ZSWIM5: variants seen among roughly 807,000 people sequenced by gnomAD.
ZSWIM5 encodes zinc finger SWIM domain-containing protein 5.
Under a neutral mutation model 119.6 loss-of-function variants are expected in ZSWIM5, and 55 were observed. That is an observed-to-expected ratio of 0.46 (90% CI 0.37 to 0.58). The LOEUF is 0.58. Ranked by LOEUF, ZSWIM5 falls within the 20% of genes least tolerant of loss-of-function variation. ZSWIM5 has a pLI of 0.00. For synonymous variants in ZSWIM5, 537 were observed against 606.9 expected (o/e 0.88, Z 1.69); for missense variants, 1,193 against 1,512.8 (o/e 0.79, Z 3.51).
chr1:45,077,923 T>C (rs943295946), intron 2 of ZSWIM5, among the ~76,000 whole-genome samples: 6 of 152,244 alleles, frequency 3.9e-5, no homozygotes, highest in Non-Finnish European at 8.8e-5. Context: ...ATCTCTCTTA[T>C]TCCCTGAACA....
At chr1:45,098,493 A>G (rs188182841) in intron 1 of ZSWIM5, among the ~76,000 whole-genome samples, 2 of 152,330 alleles carry the variant, frequency 1.3e-5, no homozygotes, top group East Asian at 3.9e-4. Context: ...CCAATGGGGA[A>G]ATAATATCAT....
intron 1 of ZSWIM5, among the ~76,000 whole-genome samples, chr1:45,184,797 T>C (rs1410315197): frequency 6.6e-6 from 1 of 151,928 alleles, no homozygotes; most frequent in Non-Finnish European, 1.5e-5. Flanking sequence ...GTAGGAAGAA[T>C]CAATATCATG....
At chr1:45,195,151 T>G (rs373831588) in intron 1 of ZSWIM5, among the ~76,000 whole-genome samples, 1 of 152,230 alleles carries the variant, frequency 6.6e-6, no homozygotes, top group Non-Finnish European at 1.5e-5. Context: ...CATTTTTATA[T>G]GTACATTCCA....
At chr1:45,127,933 A>G (rs1271593428) in intron 1 of ZSWIM5, among the ~76,000 whole-genome samples, 2 of 152,246 alleles carry the variant, frequency 1.3e-5, no homozygotes, top group African/African-American at 4.8e-5. Context: ...CAAAACATAT[A>G]CAGAACTTTT....
chr1:45,160,273 G>A (rs1449866040), intron 1 of ZSWIM5, among the ~76,000 whole-genome samples: 1 of 152,132 alleles, frequency 6.6e-6, no homozygotes, highest in African/African-American at 2.4e-5. Flanking sequence ...TCATCATCCT[G>A]AGTATTTATC....
intron 5 of ZSWIM5, among the ~76,000 whole-genome samples, chr1:45,048,080 CTCTTTTTT>C (rs1451508435): frequency 7.0e-4 from 3 of 4,262 alleles, no homozygotes; most frequent in African/African-American, 2.2e-3. Flanking sequence ...CTTTTCTTTT[CTCTTTTTT>C]TTTTTTTTTT....
intron 2 of ZSWIM5, among the ~76,000 whole-genome samples, chr1:45,078,695 C>G (rs1301375662): frequency 6.6e-6 from 1 of 152,174 alleles, no homozygotes; most frequent in Non-Finnish European, 1.5e-5. Context: ...TGTGTTCACT[C>G]AAGGCCCTGA....
intron 2 of ZSWIM5, among the ~76,000 whole-genome samples, chr1:45,071,591 G>A (rs958781571): frequency 6.6e-6 from 1 of 150,956 alleles, no homozygotes; most frequent in Non-Finnish European, 1.5e-5. Context: ...CAGTAGTTGA[G>A]ACTACAGGTG....
At chr1:45,138,804 CTAACAT>C (rs561115587) in intron 1 of ZSWIM5, among the ~76,000 whole-genome samples, 1 of 152,098 alleles carries the variant, frequency 6.6e-6, no homozygotes, top group Non-Finnish European at 1.5e-5. Flanking sequence ...CCTATCCTCA[CTAACAT>C]TAACTCACGT....
intron 1 of ZSWIM5, among the ~76,000 whole-genome samples, chr1:45,178,221 T>C (rs1234595144): frequency 6.6e-6 from 1 of 151,884 alleles, no homozygotes; most frequent in African/African-American, 2.4e-5. Context: ...AGGTCAGCAG[T>C]TGGAGACCAG....
intron 1 of ZSWIM5, among the ~76,000 whole-genome samples, chr1:45,166,870 A>C (rs1387313200): frequency 1.3e-5 from 2 of 152,058 alleles, no homozygotes; most frequent in Non-Finnish European, 1.5e-5. Context: ...TAGGAAGAAT[A>C]AATATTGTGA....
At chr1:45,139,129 G>T (rs1645708812) in intron 1 of ZSWIM5, among the ~76,000 whole-genome samples, 3 of 151,834 alleles carry the variant, frequency 2.0e-5, no homozygotes, top group Admixed American at 2.0e-4. Flanking sequence ...TGGTCCGCCT[G>T]CCTCGGCCTC....
chr1:45,128,978 A>G (rs148537668), intron 1 of ZSWIM5, among the ~76,000 whole-genome samples: 65 of 152,122 alleles, frequency 4.3e-4, no homozygotes, highest in Admixed American at 1.0e-3. Context: ...AGCTCTTTTT[A>G]GCACCAAAAA....
chr1:45,061,140 T>C (rs944062621), intron 2 of ZSWIM5, among the ~76,000 whole-genome samples: 1 of 152,182 alleles, frequency 6.6e-6, no homozygotes, highest in Admixed American at 6.5e-5. Flanking sequence ...CCTAGTAGTC[T>C]GTTAACTCCT....
intron 1 of ZSWIM5, among the ~76,000 whole-genome samples, chr1:45,098,735 T>C (rs943583645): frequency 2.0e-5 from 3 of 152,178 alleles, no homozygotes; most frequent in African/African-American, 7.2e-5. Context: ...GAACTCAGGA[T>C]TAAGAAACTC....
intron 5 of ZSWIM5, among the ~76,000 whole-genome samples, chr1:45,050,171 A>G (rs1645081138): frequency 6.6e-6 from 1 of 152,130 alleles, no homozygotes; most frequent in Non-Finnish European, 1.5e-5. Flanking sequence ...GCTGGCCAAC[A>G]TGGCAAAACC....
At chr1:45,076,170 A>T (rs1414118405) in intron 2 of ZSWIM5, among the ~76,000 whole-genome samples, 3 of 152,138 alleles carry the variant, frequency 2.0e-5, no homozygotes, top group Non-Finnish European at 4.4e-5. Flanking sequence ...ACAATGTTAT[A>T]ATATTCTGTG....
chr1:45,109,686 G>A (rs1042065965), intron 1 of ZSWIM5, among the ~76,000 whole-genome samples: 5 of 151,734 alleles, frequency 3.3e-5, no homozygotes, highest in Admixed American at 6.6e-5. Context: ...CAGAGGTTGC[G>A]GTGAGCCAAG....
At chr1:45,068,706 T>C (rs1557755067) in intron 2 of ZSWIM5, among the ~76,000 whole-genome samples, 1 of 151,814 alleles carries the variant, frequency 6.6e-6, no homozygotes, top group Non-Finnish European at 1.5e-5. Flanking sequence ...TTTTAGTTGA[T>C]CCAACATCGC....
Sources: gnomAD v4.1 joint callset for allele counts (sites outside exome capture counted in the v4.1 genomes callset) on GRCh38, gnomAD v4.1.1 for gene constraint, MANE v1.5 for transcripts, NCBI Gene and HGNC (gene_info 2026-07-23, HGNC 2026-07-21) for gene names.